Variants in CBR4 observed in about 807,000 individuals in gnomAD.
CBR4 encodes carbonyl reductase 4.
CBR4 carries 22 observed loss-of-function variants against 21.0 expected under a neutral mutation model. The ratio of observed to expected loss-of-function variants is 1.05; its 90% CI spans 0.75 to 1.50. The LOEUF (loss-of-function observed/expected upper bound fraction) is 1.50, where lower values mean the gene tolerates loss of function less well. Among genes scored for constraint, CBR4 ranks in the 40% most tolerant of loss-of-function variants. The probability of loss-of-function intolerance (pLI) is 0.00; values close to 1 mark genes in which losing one functional copy is unlikely to be tolerated. For synonymous variants in CBR4, 100 were observed against 104.4 expected (o/e 0.96, Z 0.26); for missense variants, 302 against 286.3 (o/e 1.05, Z -0.40).
chr4:168,896,364 T>C (rs902895849), intron 2 of CBR4, among the ~76,000 whole-genome samples: 1 of 152,196 alleles, frequency 6.6e-6, no homozygotes. Context: ...ATTGAATATC[T>C]CATGTGATTT....
At chr4:168,961,446 C>T (rs920316791) in intron 2 of CBR4, among the ~76,000 whole-genome samples, 46 of 152,180 alleles carry the variant, frequency 3.0e-4, no homozygotes, top group African/African-American at 1.1e-3. Context: ...AAAACATTCA[C>T]GGACAGGTTT....
intron 2 of CBR4, among the ~76,000 whole-genome samples, chr4:168,932,187 T>G (rs879925159): frequency 6.6e-6 from 1 of 151,676 alleles, no homozygotes; most frequent in Non-Finnish European, 1.5e-5. Flanking sequence ...GCTAAACTGT[T>G]CCCTCAAATC....
intron 2 of CBR4, among the ~76,000 whole-genome samples, chr4:168,910,721 C>G (rs1057127066): frequency 4.6e-5 from 7 of 152,136 alleles, no homozygotes; most frequent in African/African-American, 1.7e-4. Flanking sequence ...GATTAAGTTA[C>G]CTGCCTAAAG....
chr4:168,958,104 A>C (rs770951064), intron 2 of CBR4, among the ~76,000 whole-genome samples: 136 of 152,276 alleles, frequency 8.9e-4, no homozygotes, highest in Non-Finnish European at 1.4e-3. Context: ...GTCTCTATTA[A>C]AAATACAAAA....
intron 2 of CBR4, among the ~76,000 whole-genome samples, chr4:168,982,307 A>G (rs1413035978): frequency 1.3e-5 from 2 of 152,200 alleles, no homozygotes; most frequent in Admixed American, 1.3e-4. Context: ...AACAATGATC[A>G]AAAAGGACAA....
At chr4:169,008,076 T>A (rs1579035159) in intron 1 of CBR4, among the ~76,000 whole-genome samples, 1 of 152,368 alleles carries the variant, frequency 6.6e-6, no homozygotes, top group Middle Eastern at 3.4e-3. Flanking sequence ...ACTGAATTCA[T>A]GCTACCCAAT....
intron 3 of CBR4, among the ~76,000 whole-genome samples, chr4:169,002,710 T>C (rs1730559853): frequency 6.6e-6 from 1 of 151,994 alleles, no homozygotes; most frequent in Admixed American, 6.6e-5. Flanking sequence ...CATTTTATTG[T>C]TCTGCTTTAT....
At chr4:168,992,003 TGAATTAA>T (rs1764948252) in intron 4 of CBR4, among the ~76,000 whole-genome samples, 1 of 152,192 alleles carries the variant, frequency 6.6e-6, no homozygotes, top group African/African-American at 2.4e-5. Context: ...AAGTAAACAA[TGAATTAA>T]GAATTAACAT....
chr4:168,906,924 A>G (rs181676196), intron 2 of CBR4, among the ~76,000 whole-genome samples: 1 of 152,344 alleles, frequency 6.6e-6, no homozygotes, highest in African/African-American at 2.4e-5. Context: ...ACAAATACCA[A>G]GATTGTAGGG....
At chr4:168,960,726 T>C (rs1376966959) in intron 2 of CBR4, among the ~76,000 whole-genome samples, 4 of 152,332 alleles carry the variant, frequency 2.6e-5, no homozygotes, top group East Asian at 1.9e-4. Flanking sequence ...CTTAAATCCA[T>C]GTACTTTCTT....
intron 2 of CBR4, among the ~76,000 whole-genome samples, chr4:168,941,906 C>T: frequency 6.6e-6 from 1 of 152,016 alleles, no homozygotes; most frequent in East Asian, 1.9e-4. Context: ...GATTATAAAT[C>T]ATTCTACTAT....
intron 2 of CBR4, among the ~76,000 whole-genome samples, chr4:168,975,495 T>A (rs1764340852): frequency 6.6e-6 from 1 of 152,182 alleles, no homozygotes; most frequent in Non-Finnish European, 1.5e-5. Context: ...TTGTTCTGAG[T>A]TGCTGTAGTG....
At chr4:168,965,583 CAGA>C (rs1167547551) in intron 2 of CBR4, among the ~76,000 whole-genome samples, 1 of 152,164 alleles carries the variant, frequency 6.6e-6, no homozygotes, top group Non-Finnish European at 1.5e-5. Context: ...ACAGAGGCCT[CAGA>C]AATAACACCA....
chr4:168,957,854 G>A (rs1319138692), intron 2 of CBR4, among the ~76,000 whole-genome samples: 1 of 152,078 alleles, frequency 6.6e-6, no homozygotes, highest in East Asian at 1.9e-4. Context: ...CCTCCATGCT[G>A]TTCTCGTGAT....
At chr4:168,903,915 G>C in intron 2 of CBR4, 1 of 1,613,214 alleles carries the variant, frequency 6.2e-7, no homozygotes, top group Non-Finnish European at 8.5e-7. Flanking sequence ...AGGTAAAGAA[G>C]GGTATAGGTC....
intron 2 of CBR4, chr4:168,898,694 G>A: frequency 6.2e-7 from 1 of 1,613,424 alleles, no homozygotes; most frequent in Non-Finnish European, 8.5e-7. Context: ...ATGTAGAGTG[G>A]CTGGAAATCC....
chr4:168,998,456 T>C (rs1031169912), intron 4 of CBR4, among the ~76,000 whole-genome samples: 9 of 152,194 alleles, frequency 5.9e-5, no homozygotes, highest in African/African-American at 2.2e-4. Context: ...CATGATTCAA[T>C]TTATATGAAA....
intron 4 of CBR4, among the ~76,000 whole-genome samples, chr4:168,997,032 C>G (rs1765239135): frequency 1.3e-5 from 2 of 152,074 alleles, no homozygotes; most frequent in Admixed American, 1.3e-4. Context: ...TCTCCTTGGC[C>G]CCAAAGGACT....
At position 168,931,431 on chromosome 4, in the gene CBR4, C is replaced by G. The variant is rs149079546; in HGVS notation, n.170-36666G>C. The stretch of plus-strand genomic sequence containing the variant: ...GTGCCCATGCCCAGGGCCTGAGAAA[C>G]AGCTTGGGAGATTAACTTCCAGTAG... On this transcript the variant is annotated intron_variant and non_coding_transcript_variant, in intron 2 of 3. Transcript: ENST00000509108. 3.1e-3 allele frequency among the ~76,000 whole-genome samples: 467 copies of G among 152,160 alleles called. 2 individuals are homozygous for G. The highest frequency in any genetic ancestry group is 0.01 in the African/African-American group (433 of 41,508).
Sources: allele counts gnomAD v4.1 joint callset (sites outside exome capture counted in the v4.1 genomes callset), GRCh38; gene constraint gnomAD v4.1.1; transcripts MANE v1.5; gene names NCBI Gene and HGNC (gene_info 2026-07-23, HGNC 2026-07-21).